The following GRAMD1B variants were observed in gnomAD, a reference collection of about 807,000 sequenced individuals.
GRAMD1B encodes protein Aster-B.
In GRAMD1B, 37 loss-of-function variants were observed where a neutral mutation model predicts 99.7. The ratio of observed to expected loss-of-function variants is 0.37; its 90% confidence interval spans 0.29 to 0.49. GRAMD1B has a LOEUF of 0.49. Ranked by LOEUF, GRAMD1B falls within the 20% of genes least tolerant of loss-of-function variation. The pLI is 0.98. For synonymous variants in GRAMD1B, 427 were observed against 387.6 expected (o/e 1.10, Z -1.19); for missense variants, 888 against 1,009.2 (o/e 0.88, Z 1.63).
intron 2 of GRAMD1B, among the ~76,000 whole-genome samples, chr11:123,553,173 T>C (rs1945799852): frequency 6.6e-6 from 1 of 152,238 alleles, no homozygotes; most frequent in South Asian, 2.1e-4. Context: ...AGCACTAGTA[T>C]AGATCATTTG....
chr11:123,575,596 G>A (rs1948625165), intron 2 of GRAMD1B, among the ~76,000 whole-genome samples: 1 of 152,142 alleles, frequency 6.6e-6, no homozygotes. Context: ...TGTGGTTACG[G>A]GCTTGAGTTG....
At chr11:123,382,638 G>A (rs1373907636) in intron 1 of GRAMD1B, among the ~76,000 whole-genome samples, 1 of 152,152 alleles carries the variant, frequency 6.6e-6, no homozygotes, top group Non-Finnish European at 1.5e-5. Flanking sequence ...TTGTGAAAAA[G>A]CATCCAGGAA....
intron 2 of GRAMD1B, among the ~76,000 whole-genome samples, chr11:123,532,409 A>G (rs541980570): frequency 9.2e-5 from 14 of 152,360 alleles, no homozygotes; most frequent in Admixed American, 5.2e-4. Flanking sequence ...ACTGCAGGAA[A>G]GCTGGAAGAT....
chr11:123,605,221 A>G (rs1055083267), intron 9 of GRAMD1B, 101 bp from the exon 10 acceptor site: 53 of 764,642 alleles, frequency 6.9e-5, no homozygotes, highest in Non-Finnish European at 9.4e-5. Context: ...GAAGCAGGAA[A>G]TCTCATAGAT....
At chr11:123,547,010 G>C (rs1156884999) in intron 2 of GRAMD1B, among the ~76,000 whole-genome samples, 1 of 152,160 alleles carries the variant, frequency 6.6e-6, no homozygotes, top group Admixed American at 6.5e-5. Context: ...GAAGGATTTG[G>C]TTACCTAGTT....
intron 1 of GRAMD1B, among the ~76,000 whole-genome samples, chr11:123,401,428 G>A (rs1369095595): frequency 6.6e-6 from 1 of 152,240 alleles, no homozygotes; most frequent in Non-Finnish European, 1.5e-5. Context: ...TGTTGGCCCC[G>A]TGCAGAGCAC....
intron 2 of GRAMD1B, among the ~76,000 whole-genome samples, chr11:123,558,335 G>A (rs773774574): frequency 6.6e-6 from 1 of 152,026 alleles, no homozygotes; most frequent in African/African-American, 2.4e-5. Context: ...ATGCTGGAGG[G>A]ACATGAAAGA....
At chr11:123,618,971 C>T in intron 18 of GRAMD1B, 136 bp from the exon 19 acceptor site, 1 of 684,374 alleles carries the variant, frequency 1.5e-6, no homozygotes. Flanking sequence ...TGATCTGGGG[C>T]ACAGGGGAAC....
intron 1 of GRAMD1B, among the ~76,000 whole-genome samples, chr11:123,452,183 G>A (rs185094573): frequency 1.4e-3 from 210 of 152,234 alleles, no homozygotes; most frequent in African/African-American, 4.2e-3. Flanking sequence ...GCAAGTAATT[G>A]TGAACAAATG....
intron 19 of GRAMD1B, chr11:123,619,581 C>T: frequency 1.8e-6 from 2 of 1,137,884 alleles, no homozygotes; most frequent in Non-Finnish European, 2.2e-6. Flanking sequence ...TTTGTCTTCC[C>T]AGAGGGCATG....
intron 11 of GRAMD1B, chr11:123,608,398 C>T (rs548040575): frequency 7.5e-6 from 8 of 1,068,962 alleles, no homozygotes; most frequent in East Asian, 5.2e-5. Flanking sequence ...AAAAGCAAAT[C>T]GTACATTCCC....
At chr11:123,619,323 A>G (rs751304001) in intron 19 of GRAMD1B, 99 bp downstream of exon 19, 7 of 1,529,442 alleles carry the variant, frequency 4.6e-6, no homozygotes, top group African/African-American at 1.4e-5. Context: ...ACCACCCTCC[A>G]GACTTCTCCC....
intron 1 of GRAMD1B, among the ~76,000 whole-genome samples, chr11:123,385,691 C>A (rs1947031239): frequency 6.6e-6 from 1 of 152,164 alleles, no homozygotes; most frequent in Admixed American, 6.5e-5. Context: ...CCTCTTCTCC[C>A]CCTTAGTATT....
chr11:123,619,854 A>G (rs1954903832), intron 19 of GRAMD1B, among the ~76,000 whole-genome samples: 3 of 152,196 alleles, frequency 2.0e-5, no homozygotes, highest in Admixed American at 6.5e-5. Context: ...ATATGCCTCC[A>G]TGTGGTTGCC....
Position 123,612,898 on chromosome 11 carries a change from G to A in GRAMD1B, c.2023+34G>A, listed in dbSNP as rs1435256367. 4.8e-6 allele frequency: 6 copies of A among 1,250,414 alleles called. No homozygotes were observed. The East Asian group carries it at 7.0e-5, about 15-fold the overall frequency. 77.5% of individuals were successfully genotyped at this position (1,250,414 alleles called of 1,614,324 possible). A position where few individuals can be genotyped will look rare whatever the true frequency, so the allele number is the denominator to read the frequency against. On this transcript the variant is annotated intron_variant, in intron 15 of 19. Coordinates refer to ENST00000635736, the MANE Select transcript of GRAMD1B (RefSeq NM_001387025.1). ...TGCAATCCTTGCTGCTAGCTGGGCT[G>A]CAGAGATGGTAAACTGCACTGCGGC... is the stretch of plus-strand genomic sequence containing the variant.
chr11:123,360,941 C>T (rs570071986), intron 1 of GRAMD1B, among the ~76,000 whole-genome samples: 5 of 152,120 alleles, frequency 3.3e-5, no homozygotes, highest in South Asian at 2.1e-4. Flanking sequence ...CTCAGCCTCC[C>T]GAGTAGCTGG....
chr11:123,619,142 T>TA lies in GRAMD1B; in HGVS notation c.2463dup (p.Glu822ArgfsTer10). The TA allele has an allele frequency of 6.4e-7, 1 of 1,568,206 alleles. No individual in the cohort carries two copies. Among genetic ancestry groups the TA allele is most frequent in the Non-Finnish European group, 8.6e-7 (1 of 1,156,278 alleles). Reference sequence around the variant, plus strand: ...TCTCAGACAGAATGGGCCCAGCTCTTAGAGTCCCAACAAAAGTACCACGAT... The same window carrying TA: ...TCTCAGACAGAATGGGCCCAGCTCTTAAGAGTCCCAACAAAAGTACCACGAT... On this transcript the variant is annotated frameshift_variant, in exon 19 of 20. Transcript: ENST00000635736. LOFTEE classifies it high-confidence loss of function.
intron 2 of GRAMD1B, among the ~76,000 whole-genome samples, chr11:123,555,741 CT>C (rs906484647): frequency 6.7e-5 from 10 of 150,004 alleles, no homozygotes; most frequent in South Asian, 2.1e-4. Context: ...TGATAAAATA[CT>C]TTTTTTTTTA....
chr11:123,578,501 C>G lies in GRAMD1B; in HGVS notation c.663+924C>G, dbSNP rs893618440. The G allele has an allele frequency of 1.0e-4, 113 of 1,114,248 alleles. 1 individual carries two copies. The highest frequency in any genetic ancestry group is 1.4e-4 in the Non-Finnish European group (104 of 761,696). 69.0% of individuals were successfully genotyped at this position (1,114,248 alleles called of 1,614,324 possible). ...GATCTGTCTGTAGTGCTCAGCACCC[C>G]CTCCCTCTGGCCCTGCCGATTCTGG... On this transcript the variant is annotated intron_variant, in intron 3 of 19. Transcript: ENST00000635736.
Sources: gnomAD v4.1 joint callset for allele counts (sites outside exome capture counted in the v4.1 genomes callset) on GRCh38, gnomAD v4.1.1 for gene constraint, MANE v1.5 for transcripts, NCBI Gene and HGNC (gene_info 2026-07-23, HGNC 2026-07-21) for gene names.